Variants in PCDHGB4 observed in about 807,000 individuals in gnomAD.
PCDHGB4 encodes protocadherin gamma-B4.
PCDHGB4 carries 38 observed loss-of-function variants against 60.5 expected under a neutral mutation model. The observed-to-expected ratio is 0.63, with a 90% CI of 0.48 to 0.82. PCDHGB4 has a LOEUF of 0.82. PCDHGB4 is among the 40% of genes least tolerant of loss of function. The pLI is 0.00. For synonymous variants in PCDHGB4, 456 were observed against 509.7 expected (o/e 0.89, Z 1.42); for missense variants, 1,109 against 1,209.6 (o/e 0.92, Z 1.23).
intron 1 of PCDHGB4, chr5:141,410,849 C>CTTTTGTTTTTTTTTTTTTTTTTT (rs2095432564): frequency 7.7e-6 from 1 of 129,786 alleles, no homozygotes; most frequent in Non-Finnish European, 1.3e-5. Flanking sequence ...TTGTCTTTGT[C>CTTTTGTTTTTTTTTTTTTTTTTT]TTTTTTTTTT....
At chr5:141,399,483 CTACT>C in intron 1 of PCDHGB4, 2 of 1,614,048 alleles carry the variant, frequency 1.2e-6, no homozygotes, top group Non-Finnish European at 8.5e-7. Context: ...ACCAGGCGTC[CTACT>C]TAGTCAGTGT....
At chr5:141,502,406 T>G (rs1390520101) in intron 2 of PCDHGB4, among the ~76,000 whole-genome samples, 1 of 152,072 alleles carries the variant, frequency 6.6e-6, no homozygotes, top group African/African-American at 2.4e-5. Context: ...TCCCCGAACC[T>G]GGATTTGCTG....
At chr5:141,433,848 A>AAC (rs1403081382) in intron 1 of PCDHGB4, among the ~76,000 whole-genome samples, 1 of 151,964 alleles carries the variant, frequency 6.6e-6, no homozygotes, top group South Asian at 2.1e-4. Context: ...AAAAAAAAAA[A>AAC]AAAAAAACTT....
chr5:141,389,899 A>G lies in PCDHGB4; in HGVS notation c.2015A>G (p.Asp672Gly), dbSNP rs1328617262. The G allele has an allele frequency of 6.2e-7, 1 of 1,614,032 alleles. No homozygotes were observed. The highest frequency in any genetic ancestry group is 1.1e-5 in the South Asian group (1 of 91,082). The change falls in exon 1 of 4, where the codon GAT (aspartate) becomes GGT (glycine). Residue 672 changes from aspartate to glycine, a missense_variant. Around this residue, in one of 2 missense-constraint regions of PCDHGB4, gnomAD observed 1,068 missense variants for 1,089.9 expected, o/e 0.98. Coordinates refer to ENST00000519479, the MANE Select transcript of PCDHGB4 (RefSeq NM_003736.4). ...GACAGCTTGCAGGAGGTGCTGCCGG[A>G]TATCACTGACCGCCCCGACCCCTCT... Reference protein sequence around the residue: ...FADSLQEVLPDITDRPDPSDL... With the variant: ...FADSLQEVLPGITDRPDPSDL...
intron 1 of PCDHGB4, chr5:141,424,529 A>G (rs1308118953): frequency 6.6e-6 from 1 of 152,218 alleles, no homozygotes; most frequent in Non-Finnish European, 1.5e-5. Context: ...AAATCCATAT[A>G]TAGAAATAAC....
chr5:141,393,408 G>T (rs2092753153), intron 1 of PCDHGB4: 1 of 1,614,022 alleles, frequency 6.2e-7, no homozygotes, highest in East Asian at 2.2e-5. Context: ...GCTGGAGCGC[G>T]CCCTGGACAG....
At chr5:141,443,538 G>A (rs768723399) in intron 1 of PCDHGB4, among the ~76,000 whole-genome samples, 2 of 152,118 alleles carry the variant, frequency 1.3e-5, no homozygotes, top group African/African-American at 4.8e-5. Flanking sequence ...TTTAAAGCTT[G>A]GGAAATTGTT....
chr5:141,423,940 G>A (rs937456850), intron 1 of PCDHGB4: 1 of 1,217,098 alleles, frequency 8.2e-7, no homozygotes, highest in Non-Finnish European at 1.0e-6. Flanking sequence ...TTTGAAGTAA[G>A]TTGAATTTTA....
At chr5:141,399,289 T>C (rs755445485) in intron 1 of PCDHGB4, 1 of 1,613,918 alleles carries the variant, frequency 6.2e-7, no homozygotes, top group Admixed American at 1.7e-5. Context: ...CGAAGTCCCT[T>C]TTAAGATTAT....
chr5:141,404,835 C>T, intron 1 of PCDHGB4: 1 of 1,613,920 alleles, frequency 6.2e-7, no homozygotes, highest in Non-Finnish European at 8.5e-7. Context: ...GAAGTGCGCA[C>T]AGCTCGGGCC....
At chr5:141,427,280 A>G (rs1351534612) in intron 1 of PCDHGB4, 3 of 456,834 alleles carry the variant, frequency 6.6e-6, no homozygotes, top group Non-Finnish European at 8.8e-6. Context: ...GTAAAATTAT[A>G]CTAGAAATCC....
intron 1 of PCDHGB4, chr5:141,423,526 A>G (rs1229909527): frequency 6.2e-7 from 1 of 1,613,690 alleles, no homozygotes; most frequent in Non-Finnish European, 8.5e-7. Flanking sequence ...CTCGCAGAAG[A>G]GTCACCTGAT....
chr5:141,431,685 A>C lies in PCDHGB4; in HGVS notation c.2397+41404A>C. The C allele has an allele frequency of 6.2e-7, 1 of 1,614,246 alleles. No homozygotes were observed. Among genetic ancestry groups the C allele is most frequent in the East Asian group, 2.2e-5 (1 of 44,876 alleles). ...ATATCAACAATAGGGGAGTTGGACCACGAGGAGTCAGGATTCTACCAGATG... is the reference window on the plus strand; with the variant it reads ...ATATCAACAATAGGGGAGTTGGACCCCGAGGAGTCAGGATTCTACCAGATG... On this transcript the variant is annotated intron_variant, in intron 1 of 3. Transcript: ENST00000519479. This position sits in a 1 kb window ranked among gnomAD's most constrained non-coding sequence, Gnocchi z 4.8.
At chr5:141,462,781 G>C (rs893647456) in intron 1 of PCDHGB4, among the ~76,000 whole-genome samples, 1 of 152,102 alleles carries the variant, frequency 6.6e-6, no homozygotes, top group Non-Finnish European at 1.5e-5. Flanking sequence ...GTCATAATTT[G>C]TTGCTTATTT....
At chr5:141,480,591 T>G (rs557048485) in intron 1 of PCDHGB4, among the ~76,000 whole-genome samples, 1 of 138,080 alleles carries the variant, frequency 7.2e-6, no homozygotes, top group South Asian at 2.2e-4. Flanking sequence ...GCCGCTCTTC[T>G]GGTCAGCCTG....
chr5:141,403,370 G>T (rs752870915), intron 1 of PCDHGB4: 25 of 1,614,064 alleles, frequency 1.5e-5, no homozygotes, highest in Non-Finnish European at 1.9e-5. Flanking sequence ...AAGTCTGGAA[G>T]TAAAAATTAA....
intron 1 of PCDHGB4, chr5:141,420,414 T>C: frequency 8.2e-7 from 1 of 1,221,674 alleles, no homozygotes; most frequent in Non-Finnish European, 1.1e-6. Flanking sequence ...GTTATCATTA[T>C]TAAAACAAAA....
At chr5:141,393,917 C>A in intron 1 of PCDHGB4, 1 of 1,613,924 alleles carries the variant, frequency 6.2e-7, no homozygotes, top group Non-Finnish European at 8.5e-7. Flanking sequence ...TAATTGCCTT[C>A]TTGAGTGTGC....
In PCDHGB4 at chr5:141,489,210, G is replaced by A; in HGVS notation, c.2398-5597G>A. ...TCTACCTTGGAGACAGGACAGCACAGACTTACTCTCCACAAAGGGACTTCT... is the reference window on the plus strand; with the variant it reads ...TCTACCTTGGAGACAGGACAGCACAAACTTACTCTCCACAAAGGGACTTCT... On this transcript the variant is annotated intron_variant, in intron 1 of 3. Coordinates refer to ENST00000519479, the MANE Select transcript of PCDHGB4 (RefSeq NM_003736.4). The surrounding 1 kb of genome is among the most constrained non-coding windows in gnomAD (Gnocchi z 4.5). 6 of 1,461,860 alleles carry A rather than the reference G, an allele frequency of 4.1e-6. No homozygotes were observed. Among genetic ancestry groups the A allele is most frequent in the Non-Finnish European group, 5.6e-6 (6 of 1,080,904 alleles). 90.6% of individuals were successfully genotyped at this position (1,461,860 alleles called of 1,614,324 possible). A position where few individuals can be genotyped will look rare whatever the true frequency, so the allele number is the denominator to read the frequency against.
Sources: allele counts gnomAD v4.1 joint callset (sites outside exome capture counted in the v4.1 genomes callset), GRCh38; gene constraint gnomAD v4.1.1; regional missense constraint gnomAD v4.1.1; non-coding constraint Gnocchi (gnomAD v3.1); transcripts MANE v1.5; gene names NCBI Gene and HGNC (gene_info 2026-07-23, HGNC 2026-07-21).